The following ZNF536 variants were observed in gnomAD, a reference collection of about 807,000 sequenced individuals.
ZNF536 encodes the protein zinc finger protein 536.
A neutral mutation model predicts 84.5 loss-of-function variants in ZNF536; 13 were observed. The ratio of observed to expected loss-of-function variants is 0.15; its 90% CI spans 0.10 to 0.24. The LOEUF is 0.24. Ranked by LOEUF, ZNF536 falls within the 10% of genes least tolerant of loss-of-function variation. ZNF536 has a pLI of 1.00. For synonymous variants in ZNF536, 811 were observed against 742.5 expected, an observed-to-expected ratio of 1.09 and a Z score of -1.50; for missense variants, 1,536 against 1,747.5, an observed-to-expected ratio of 0.88 and a Z score of 2.16.
At chr19:30,581,919 C>A (rs2046934742) in intron 1 of ZNF536, among the ~76,000 whole-genome samples, 1 of 152,080 alleles carries the variant, frequency 6.6e-6, no homozygotes, top group Non-Finnish European at 1.5e-5. Context: ...GGTGACAGAG[C>A]CAGAGCGAGA....
intron 1 of ZNF536, among the ~76,000 whole-genome samples, chr19:30,682,120 G>C (rs1007515899): frequency 2.6e-5 from 4 of 152,062 alleles, no homozygotes; most frequent in Non-Finnish European, 4.4e-5. Context: ...GACCACCAGG[G>C]GCCAAAAAGC....
At chr19:30,429,077 G>A (rs1037547968) in intron 1 of ZNF536, among the ~76,000 whole-genome samples, 2 of 152,200 alleles carry the variant, frequency 1.3e-5, no homozygotes, top group African/African-American at 2.4e-5. Flanking sequence ...GTGGTTTAAG[G>A]GGGTGGAGGA....
At chr19:30,316,689 T>C (rs2046689063) in intron 2 of ZNF536, among the ~76,000 whole-genome samples, 1 of 152,136 alleles carries the variant, frequency 6.6e-6, no homozygotes, top group Non-Finnish European at 1.5e-5. Flanking sequence ...TTACAGAGCA[T>C]TTGCTTTGCT....
intron 1 of ZNF536, among the ~76,000 whole-genome samples, chr19:30,617,793 T>G (rs2048356235): frequency 6.6e-6 from 1 of 152,220 alleles, no homozygotes; most frequent in South Asian, 2.1e-4. Flanking sequence ...TAAAAAGTTT[T>G]TAAATGTTTT....
At chr19:30,650,176 T>C (rs537312316) in intron 1 of ZNF536, among the ~76,000 whole-genome samples, 1 of 152,380 alleles carries the variant, frequency 6.6e-6, no homozygotes, top group African/African-American at 2.4e-5. Context: ...GCTGAAGCTA[T>C]GCAGTGTTAG....
chr19:30,520,473 C>G (rs2044276179), intron 2 of ZNF536, among the ~76,000 whole-genome samples: 1 of 152,106 alleles, frequency 6.6e-6, no homozygotes, highest in Admixed American at 6.5e-5. Context: ...GTGCCCACAT[C>G]CCCCCAGGTC....
At chr19:30,382,549 G>C (rs1019745297) in intron 1 of ZNF536, among the ~76,000 whole-genome samples, 9 of 149,374 alleles carry the variant, frequency 6.0e-5, no homozygotes, top group Admixed American at 3.4e-4. Flanking sequence ...TTCTTTTGGT[G>C]GATGGGATGT....
intron 2 of ZNF536, among the ~76,000 whole-genome samples, chr19:30,527,812 C>T (rs989996460): frequency 3.3e-5 from 5 of 152,124 alleles, no homozygotes; most frequent in Non-Finnish European, 7.3e-5. Context: ...CTATACATTC[C>T]TTTGGACTTT....
intron 3 of ZNF536, among the ~76,000 whole-genome samples, chr19:30,546,816 T>G (rs1599759676): frequency 6.6e-6 from 1 of 152,198 alleles, no homozygotes; most frequent in South Asian, 2.1e-4. Flanking sequence ...AGAGAGCCTT[T>G]TGATTGCAAA....
intron 2 of ZNF536, among the ~76,000 whole-genome samples, chr19:30,332,082 T>C (rs1325466178): frequency 1.3e-5 from 2 of 152,156 alleles, no homozygotes; most frequent in East Asian, 3.9e-4. Flanking sequence ...TCACTCAGAA[T>C]CCATGGCCAC....
chr19:30,595,215 G>A (rs1035796420), intron 1 of ZNF536, among the ~76,000 whole-genome samples: 5 of 152,108 alleles, frequency 3.3e-5, no homozygotes, highest in Non-Finnish European at 7.4e-5. Flanking sequence ...GGAGCTCAGG[G>A]GTTGGCCATT....
At chr19:30,355,721 G>A (rs1157788344) in intron 3 of ZNF536, among the ~76,000 whole-genome samples, 1 of 152,100 alleles carries the variant, frequency 6.6e-6, no homozygotes, top group Non-Finnish European at 1.5e-5. Flanking sequence ...AGGTGATTGA[G>A]TGTTACTGCC....
In ZNF536 at chr19:30,535,017, A is replaced by T. The variant is rs1313021976; in HGVS notation, c.2323+18A>T. 6.2e-7 allele frequency: 1 copy of T among 1,602,126 alleles called. No individual in the cohort carries two copies. Among genetic ancestry groups the T allele is most frequent in the Admixed American group, 1.7e-5 (1 of 58,814 alleles). On this transcript the variant is annotated intron_variant, in intron 3 of 4. Coordinates refer to ENST00000355537, the MANE Select transcript of ZNF536 (RefSeq NM_014717.3). ...ACACACAGGTGAGAAGTCTGAGTGC[A>T]TCCAGGGGCACAGCCCAGAGAAGGA...
chr19:30,656,976 G>A (rs896285496), intron 1 of ZNF536, among the ~76,000 whole-genome samples: 5 of 152,188 alleles, frequency 3.3e-5, no homozygotes, highest in Non-Finnish European at 4.4e-5. Context: ...TTAATTCACA[G>A]GCACTCATGG....
At chr19:30,417,287 G>C (rs963019471) in intron 1 of ZNF536, among the ~76,000 whole-genome samples, 4 of 150,590 alleles carry the variant, frequency 2.7e-5, no homozygotes, top group African/African-American at 9.8e-5. Context: ...ATGAGCCACT[G>C]TGCCCGGCCC....
chr19:30,623,725 A>G (rs1600066133), intron 1 of ZNF536, among the ~76,000 whole-genome samples: 1 of 151,996 alleles, frequency 6.6e-6, no homozygotes, highest in Non-Finnish European at 1.5e-5. Context: ...CCATCCTAGA[A>G]TTCCCTCTGC....
At chr19:30,675,491 A>C (rs1461699638) in intron 1 of ZNF536, among the ~76,000 whole-genome samples, 1 of 152,234 alleles carries the variant, frequency 6.6e-6, no homozygotes, top group Non-Finnish European at 1.5e-5. Flanking sequence ...AAGCAGAACC[A>C]GAGTTTAGAA....
intron 3 of ZNF536, among the ~76,000 whole-genome samples, chr19:30,535,592 T>A (rs1289593423): frequency 6.6e-6 from 1 of 152,138 alleles, no homozygotes; most frequent in East Asian, 1.9e-4. Flanking sequence ...AAGTGGCTGC[T>A]GCACCCCTCT....
chr19:30,390,005 T>C (rs1226525274), intron 1 of ZNF536, among the ~76,000 whole-genome samples: 1 of 152,206 alleles, frequency 6.6e-6, no homozygotes, highest in Non-Finnish European at 1.5e-5. Flanking sequence ...CCCAGGGATT[T>C]CCCTCCTCAA....
Sources: gnomAD v4.1 joint callset for allele counts (sites outside exome capture counted in the v4.1 genomes callset) on GRCh38, gnomAD v4.1.1 for gene constraint, MANE v1.5 for transcripts, NCBI Gene and HGNC (gene_info 2026-07-23, HGNC 2026-07-21) for gene names.